Variants in PLCH2 observed in about 807,000 individuals in gnomAD.
PLCH2 encodes 1-phosphatidylinositol 4,5-bisphosphate phosphodiesterase eta-2.
A neutral mutation model predicts 134.7 loss-of-function variants in PLCH2; 98 were observed. The ratio of observed to expected loss-of-function variants is 0.73; its 90% CI spans 0.62 to 0.86. The LOEUF is 0.86. PLCH2 is among the 40% of genes least tolerant of loss of function. The probability of loss-of-function intolerance (pLI) is 0.00; values close to 1 mark genes in which losing one functional copy is unlikely to be tolerated. For synonymous variants in PLCH2, 974 were observed against 827.5 expected, an observed-to-expected ratio of 1.18 and a Z score of -3.04; for missense variants, 1,994 against 1,986.6, an observed-to-expected ratio of 1.00 and a Z score of -0.07.
chr1:2,494,563 A>G, intron 11 of PLCH2: 1 of 531,738 alleles, frequency 1.9e-6, no homozygotes, highest in Non-Finnish European at 3.4e-6. Context: ...CGAGTTTAAA[A>G]CAACACATGA....
upstream of PLCH2, among the ~76,000 whole-genome samples, chr1:2,473,976 T>A (rs1369614500): frequency 2.0e-5 from 3 of 152,180 alleles, no homozygotes; most frequent in African/African-American, 7.2e-5. Context: ...GGGGTGGGTG[T>A]GGACCATGGC....
chr1:2,456,119 C>T (rs1257839004), intron 2 of PLCH2, among the ~76,000 whole-genome samples: 3 of 152,216 alleles, frequency 2.0e-5, no homozygotes, highest in South Asian at 4.1e-4. Context: ...GTGTTGATGC[C>T]GTTTGGGATG....
intron 5 of PLCH2, among the ~76,000 whole-genome samples, chr1:2,486,431 C>T (rs1642288041): frequency 6.6e-6 from 1 of 152,202 alleles, no homozygotes; most frequent in South Asian, 2.1e-4. Flanking sequence ...GGTCCCTTGG[C>T]CTGTGATGCC....
chr1:2,479,759 G>A lies in PLCH2; in HGVS notation c.297G>A (p.Val99=). Residue 99 remains valine (V), a synonymous_variant, in exon 3 of 22, where the codon GTG becomes GTA. Transcript: ENST00000378486. ...TCTCCATCGACTCCATCCAGGAGGT[G>A]AGTGAGGGGCGGCAGTCGGAGGTCT... The part of the protein sequence containing the change: ...AKISIDSIQE[V]SEGRQSEVFQ... 34 of 1,548,696 alleles carry A rather than the reference G, an allele frequency of 2.2e-5. No individual in the cohort carries two copies. Among genetic ancestry groups the A allele is most frequent in the Non-Finnish European group, 3.0e-5 (34 of 1,144,746 alleles).
upstream of PLCH2, among the ~76,000 whole-genome samples, chr1:2,475,205 C>G (rs1249042254): frequency 6.6e-6 from 1 of 152,208 alleles, no homozygotes; most frequent in Non-Finnish European, 1.5e-5. Flanking sequence ...CCCCGGGGCT[C>G]TGCCAGGATG....
intron 2 of PLCH2, among the ~76,000 whole-genome samples, chr1:2,460,802 C>T (rs557774845): frequency 5.9e-5 from 9 of 152,230 alleles, no homozygotes; most frequent in South Asian, 4.1e-4. Context: ...CAGGTTTCAC[C>T]GTGACTGACC....
rs1364839854 is a variant in PLCH2, at chr1:2,471,156, C to G, written c.43+3494C>G. Among the ~76,000 whole-genome samples, 4 of 152,170 alleles carry G rather than the reference C, an allele frequency of 2.6e-5. No homozygotes were observed. The East Asian group carries it at 7.7e-4, about 29-fold the overall frequency. Reference sequence around the variant, plus strand: ...ATACCGCTGCTGTGAGCTGGGCTGCCACCAGCTGGGGATGGCTGGGGACGG... The same window carrying G: ...ATACCGCTGCTGTGAGCTGGGCTGCGACCAGCTGGGGATGGCTGGGGACGG... On this transcript the variant is annotated intron_variant, in intron 1 of 21. Coordinates refer to the PLCH2 transcript ENST00000449969.
chr1:2,417,413 G>GCCCAGCTT, the PLCH2 span, among the ~76,000 whole-genome samples: 37,206 of 140,082 alleles, frequency 0.27, 5,011 homozygotes, highest in Non-Finnish European at 0.33. Context: ...GGTGGGCCCT[G>GCCCAGCTT]CCCAGCTTCC....
rs371942962 is a variant in PLCH2 at position 2,504,519 on chromosome 1, C to T, written c.3557C>T (p.Ser1186Leu). The change falls in exon 22 of 22, where the codon TCG becomes TTG. Residue 1186 changes from serine to leucine, a missense_variant. By Grantham distance (145) the Ser-to-Leu change is moderately radical. This residue lies in a region of PLCH2 where 900 missense variants were observed against 752.3 expected (regional missense o/e 1.20). Coordinates refer to ENST00000378486, the MANE Select transcript of PLCH2 (RefSeq NM_014638.4). ...GGACGCCTGCCCCCCAGGCCCCACT[C>T]GGCTTCGGCTGCCCGCCCAGACCTG... ...HMGRLPPRPH[S>L]ASAARPDLPP... The T allele has an allele frequency of 6.6e-5, 106 of 1,612,466 alleles. No individual in the cohort carries two copies. The highest frequency in any genetic ancestry group is 1.3e-4 in the East Asian group (6 of 44,866).
Position 2,489,315 on chromosome 1 carries a change from G to A in PLCH2, c.1344G>A (p.Val448=). 6.2e-7 allele frequency: 1 copy of A among 1,613,896 alleles called. No individual in the cohort carries two copies. The highest frequency in any genetic ancestry group is 1.7e-4 in the Middle Eastern group (1 of 6,060). ...GGGACAAGCTGGACCTGTCATCAGTGAGCAGTGAAGATGCCACCACACTCC... is the reference window on the plus strand; with the variant it reads ...GGGACAAGCTGGACCTGTCATCAGTAAGCAGTGAAGATGCCACCACACTCC... ...ILGDKLDLSS[V]SSEDATTLPS... The change falls in exon 9 of 22, where the codon GTG becomes GTA. Residue 448 remains valine, a synonymous_variant. Transcript: ENST00000378486.
Position 2,502,184 on chromosome 1 carries a change from G to A in PLCH2, c.2734G>A (p.Ala912Thr). Residue 912 changes from alanine (A) to threonine (T), a missense_variant, in exon 21 of 22, where the codon GCT becomes ACT. Ala to Thr is a moderately conservative substitution (Grantham distance 58). Around this residue, in one of 2 missense-constraint regions of PLCH2, gnomAD observed 900 missense variants for 752.3 expected, o/e 1.20. Coordinates refer to ENST00000378486, the MANE Select transcript of PLCH2 (RefSeq NM_014638.4). Reference protein sequence around the residue: ...PKPGSLDSHAAGRPPARPSVS... With the variant: ...PKPGSLDSHATGRPPARPSVS... ...GCCCGGCTCGCTGGACAGTCATGCT[G>A]CTGGGCGGCCCCCGGCCCGGCCCTC... 1.3e-6 allele frequency: 2 copies of A among 1,532,320 alleles called. No individual in the cohort carries two copies. The highest frequency in any genetic ancestry group is 1.8e-6 in the Non-Finnish European group (2 of 1,141,650). The allele number at this position is 1,532,320 out of a possible 1,614,324, so 94.9% of individuals were successfully genotyped here.
At chr1:2,457,622 A>G (rs1339225409) in intron 2 of PLCH2, among the ~76,000 whole-genome samples, 2 of 152,050 alleles carry the variant, frequency 1.3e-5, no homozygotes, top group African/African-American at 4.8e-5. Context: ...CAGGGGCCCA[A>G]CAGCGACCTG....
chr1:2,499,807 G>A, intron 20 of PLCH2, 87 bp downstream of exon 20: 1 of 1,082,598 alleles, frequency 9.2e-7, no homozygotes, highest in Non-Finnish European at 1.4e-6. Flanking sequence ...CCCCAGTGCT[G>A]GGTCCTGAAC....
chr1:2,488,156 G>T lies in PLCH2; in HGVS notation c.1235+438G>T, dbSNP rs939029704. Among the ~76,000 whole-genome samples the T allele has an allele frequency of 2.0e-5, 3 of 152,244 alleles. No homozygotes were observed. In the South Asian group the frequency reaches 6.2e-4, roughly 32 times the overall value. ...TTCAAGTCTTGGCTACATGAGGCTC[G>T]CAGGTGGGCAAGGAGCTAATTGCAT... On this transcript the variant is annotated intron_variant, in intron 8 of 21. Coordinates refer to ENST00000378486, the MANE Select transcript of PLCH2 (RefSeq NM_014638.4).
intron 16 of PLCH2, chr1:2,497,948 TCTCAGGACCTGGGTCTGGGCTG>T (rs914417177): frequency 3.2e-6 from 1 of 316,148 alleles, no homozygotes; most frequent in African/African-American, 2.1e-5. Context: ...CCTCTGTGGG[TCTCAGGACCTGGGTCTGGGCTG>T]GGTGTTTGGA....
upstream of PLCH2, among the ~76,000 whole-genome samples, chr1:2,475,223 C>T (rs1204395580): frequency 6.6e-6 from 1 of 152,230 alleles, no homozygotes; most frequent in African/African-American, 2.4e-5. Flanking sequence ...ATGCCCAGCC[C>T]TGGCACCTCC....
intron 2 of PLCH2, among the ~76,000 whole-genome samples, chr1:2,460,680 G>A (rs1020598391): frequency 2.0e-5 from 3 of 152,346 alleles, no homozygotes; most frequent in Admixed American, 2.0e-4. Flanking sequence ...GATGACCCTG[G>A]TGGAGGCTGG....
upstream of PLCH2, among the ~76,000 whole-genome samples, chr1:2,472,249 G>A (rs938567474): frequency 1.3e-5 from 2 of 152,212 alleles, no homozygotes; most frequent in Admixed American, 6.5e-5. Context: ...TCCGCCATAT[G>A]TGTGTGGGCC....
intron 2 of PLCH2, among the ~76,000 whole-genome samples, chr1:2,438,598 T>G (rs911732067): frequency 2.0e-5 from 3 of 152,176 alleles, no homozygotes; most frequent in Non-Finnish European, 2.9e-5. Context: ...CTGGTGCTTC[T>G]CCACATCGTC....
Sources: allele counts gnomAD v4.1 joint callset (sites outside exome capture counted in the v4.1 genomes callset), GRCh38; gene constraint gnomAD v4.1.1; regional missense constraint gnomAD v4.1.1; transcripts MANE v1.5; gene names NCBI Gene and HGNC (gene_info 2026-07-23, HGNC 2026-07-21).